ALK: variants seen among roughly 807,000 people sequenced by gnomAD.
ALK encodes the protein ALK receptor tyrosine kinase, also known as ALK tyrosine kinase receptor.
In ALK, 74 loss-of-function variants were observed where a neutral mutation model predicts 163.1. The ratio of observed to expected loss-of-function variants is 0.45; its 90% CI spans 0.38 to 0.55. ALK has a LOEUF of 0.55. Among genes scored for constraint, ALK ranks in the 20% least tolerant of loss-of-function variants. The probability of loss-of-function intolerance (pLI) is 0.00; values close to 1 mark genes in which losing one functional copy is unlikely to be tolerated. For missense variants in ALK, 2,063 were observed against 2,105.3 expected, an observed-to-expected ratio of 0.98 and a Z score of 0.39; for synonymous variants, 960 against 843.2, an observed-to-expected ratio of 1.14 and a Z score of -2.40.
intron 4 of ALK, among the ~76,000 whole-genome samples, chr2:29,441,548 C>T (rs1670545039): frequency 6.6e-6 from 1 of 152,178 alleles, no homozygotes; most frequent in South Asian, 2.1e-4. Flanking sequence ...GGTGATGGAG[C>T]ACTTGTAGGG....
intron 3 of ALK, among the ~76,000 whole-genome samples, chr2:29,573,642 T>A (rs1428210360): frequency 6.6e-6 from 1 of 152,212 alleles, no homozygotes; most frequent in Non-Finnish European, 1.5e-5. Context: ...TTATTCGTAC[T>A]ACTATGGCAG....
In ALK at chr2:29,785,478, CT is replaced by C. The variant is rs1361934189; in HGVS notation, c.668-67782del. Among the ~76,000 whole-genome samples, 4 of 152,198 alleles carry C rather than the reference CT, an allele frequency of 2.6e-5. No individual in the cohort carries two copies. In the East Asian group the frequency reaches 7.7e-4, roughly 29 times the overall value. On this transcript the variant is annotated intron_variant, in intron 1 of 28. Transcript: ENST00000389048. Reference sequence around the variant, plus strand: ...TTTGCCCAAGACTCAAGCCTACCTTCTGTTAAATAGAAAGCTCCCAAATACA... The same window carrying C: ...TTTGCCCAAGACTCAAGCCTACCTTCGTTAAATAGAAAGCTCCCAAATACA...
chr2:29,693,503 C>T (rs544638575), intron 3 of ALK, among the ~76,000 whole-genome samples: 2 of 151,926 alleles, frequency 1.3e-5, no homozygotes, highest in African/African-American at 4.8e-5. Context: ...AAATATAAGT[C>T]AAGGTCAACC....
chr2:29,424,417 C>T (rs1670088787), intron 4 of ALK, among the ~76,000 whole-genome samples: 1 of 152,172 alleles, frequency 6.6e-6, no homozygotes, highest in South Asian at 2.1e-4. Flanking sequence ...GACCTTAGCA[C>T]TACATTTTCT....
At chr2:29,671,349 C>T (rs1677682100) in intron 3 of ALK, among the ~76,000 whole-genome samples, 3 of 152,038 alleles carry the variant, frequency 2.0e-5, no homozygotes, top group Admixed American at 6.6e-5. Flanking sequence ...AATGTGCCTC[C>T]TAAGCATGAT....
rs116024221 is a variant in ALK, at chr2:29,560,858, C to T, written c.953-28742G>A. On this transcript the variant is annotated intron_variant, in intron 3 of 28. Coordinates refer to ENST00000389048, the MANE Select transcript of ALK (RefSeq NM_004304.5). ...AAATGCTGGGATTACAAGCATGAGCCACGGCACCCGGCCCAACTCTGTAAA... is the reference window on the plus strand; with the variant it reads ...AAATGCTGGGATTACAAGCATGAGCTACGGCACCCGGCCCAACTCTGTAAA... Among the ~76,000 whole-genome samples, 655 of 152,094 alleles carry T rather than the reference C, an allele frequency of 4.3e-3. 3 individuals carry two copies. The highest frequency in any genetic ancestry group is 0.031 in the Middle Eastern group (9 of 292).
chr2:29,746,439 CT>C (rs1680210591), intron 1 of ALK, among the ~76,000 whole-genome samples: 1 of 152,222 alleles, frequency 6.6e-6, no homozygotes, highest in Non-Finnish European at 1.5e-5. Flanking sequence ...TTGTGAGCCT[CT>C]TGAATCTTCA....
chr2:29,298,621 ACT>A (rs996343708), intron 8 of ALK, among the ~76,000 whole-genome samples: 4 of 151,536 alleles, frequency 2.6e-5, no homozygotes, highest in African/African-American at 9.7e-5. Flanking sequence ...GGTGTTTCAA[ACT>A]CTCCCTCGCA....
chr2:29,260,796 T>C (rs1458757390), intron 11 of ALK, among the ~76,000 whole-genome samples: 1 of 151,896 alleles, frequency 6.6e-6, no homozygotes, highest in African/African-American at 2.4e-5. Flanking sequence ...ATCATGCCAC[T>C]GCACTCCAGC....
intron 4 of ALK, among the ~76,000 whole-genome samples, chr2:29,470,171 A>C (rs10207485): frequency 0.33 from 50,165 of 151,900 alleles, 8,698 homozygotes; most frequent in African/African-American, 0.41. Context: ...AGAGACTCAC[A>C]GAAAATGCCC....
intron 3 of ALK, among the ~76,000 whole-genome samples, chr2:29,645,036 C>T (rs1485313393): frequency 1.3e-5 from 2 of 152,080 alleles, no homozygotes; most frequent in East Asian, 3.9e-4. Context: ...TGTCCCAAAG[C>T]CAAGACTGCC....
intron 3 of ALK, among the ~76,000 whole-genome samples, chr2:29,680,618 AC>A (rs1415732954): frequency 1.3e-5 from 2 of 151,786 alleles, no homozygotes; most frequent in African/African-American, 4.8e-5. Flanking sequence ...ATTTCTTTAA[AC>A]TTTTTTGTTG....
At chr2:29,416,071 T>G (rs1181849810) in intron 4 of ALK, among the ~76,000 whole-genome samples, 1 of 152,234 alleles carries the variant, frequency 6.6e-6, no homozygotes, top group African/African-American at 2.4e-5. Flanking sequence ...CGACATACTG[T>G]GGGACTTATC....
At chr2:29,202,411 A>C (rs1175095531) in intron 26 of ALK, among the ~76,000 whole-genome samples, 2 of 152,246 alleles carry the variant, frequency 1.3e-5, no homozygotes, top group African/African-American at 4.8e-5. Context: ...TTTAAAAAGG[A>C]ACAGAGTTAT....
At chr2:29,197,181 A>G (rs1301351129) in intron 27 of ALK, among the ~76,000 whole-genome samples, 1 of 152,232 alleles carries the variant, frequency 6.6e-6, no homozygotes, top group East Asian at 1.9e-4. Flanking sequence ...GGTGCCAGGC[A>G]GGGCAGGAGA....
intron 3 of ALK, among the ~76,000 whole-genome samples, chr2:29,538,480 T>C (rs1029071618): frequency 6.6e-6 from 1 of 152,174 alleles, no homozygotes; most frequent in African/African-American, 2.4e-5. Context: ...TCTGTCATGA[T>C]TGTAAGTTTC....
intron 3 of ALK, among the ~76,000 whole-genome samples, chr2:29,639,353 C>T (rs572185351): frequency 6.6e-6 from 1 of 152,250 alleles, no homozygotes; most frequent in African/African-American, 2.4e-5. Context: ...CCCATGTCAG[C>T]AGGGCTCCTT....
chr2:29,890,513 C>T (rs528966721), intron 1 of ALK: 43 of 152,364 alleles, frequency 2.8e-4, no homozygotes, highest in African/African-American at 9.6e-4. Flanking sequence ...TCAGGCAGAA[C>T]CTCTGTTGAG....
At chr2:29,653,236 C>T (rs1174420316) in intron 3 of ALK, among the ~76,000 whole-genome samples, 1 of 152,134 alleles carries the variant, frequency 6.6e-6, no homozygotes, top group Non-Finnish European at 1.5e-5. Flanking sequence ...GGCGTGAGAG[C>T]TGAGAAACCC....
Sources: allele counts gnomAD v4.1 joint callset (sites outside exome capture counted in the v4.1 genomes callset), GRCh38; gene constraint gnomAD v4.1.1; transcripts MANE v1.5; gene names NCBI Gene and HGNC (gene_info 2026-07-23, HGNC 2026-07-21).